MYT1L: variants seen among roughly 807,000 people sequenced by gnomAD.
The protein encoded by MYT1L is myelin transcription factor 1 like, also known as myelin transcription factor 1-like protein.
A neutral mutation model predicts 126.7 loss-of-function variants in MYT1L; 12 were observed. The ratio of observed to expected loss-of-function variants is 0.09; its 90% CI spans 0.06 to 0.15. The LOEUF (loss-of-function observed/expected upper bound fraction) is 0.15, where lower values mean the gene tolerates loss of function less well. Ranked by LOEUF, MYT1L falls within the 10% of genes least tolerant of loss-of-function variation. The pLI is 1.00. For missense variants in MYT1L, 979 were observed against 1,585.2 expected, an observed-to-expected ratio of 0.62 and a Z score of 6.49; for synonymous variants, 541 against 604.2, an observed-to-expected ratio of 0.90 and a Z score of 1.53.
chr2:2,006,316 T>C (rs1022259678), intron 4 of MYT1L, among the ~76,000 whole-genome samples: 1 of 152,200 alleles, frequency 6.6e-6, no homozygotes, highest in Non-Finnish European at 1.5e-5. Flanking sequence ...CATCGTAGAA[T>C]GCTTACTATA....
At chr2:1,812,464 C>T (rs770059106) in intron 21 of MYT1L, among the ~76,000 whole-genome samples, 32 of 152,164 alleles carry the variant, frequency 2.1e-4, no homozygotes, top group Non-Finnish European at 4.4e-4. Flanking sequence ...TCTGAATGCA[C>T]TTTGTGATGG....
At chr2:1,940,710 G>A (rs1177192114) in intron 9 of MYT1L, among the ~76,000 whole-genome samples, 1 of 152,224 alleles carries the variant, frequency 6.6e-6, no homozygotes, top group East Asian at 1.9e-4. Context: ...ATTTCCTTAG[G>A]GAGCCAGCTG....
intron 2 of MYT1L, among the ~76,000 whole-genome samples, chr2:2,220,535 G>A (rs2093828884): frequency 6.6e-6 from 1 of 152,160 alleles, no homozygotes; most frequent in African/African-American, 2.4e-5. Flanking sequence ...TTAAAAAGGT[G>A]CTAGACTCTT....
Position 2,228,867 on chromosome 2 carries a change from C to T in MYT1L, c.-421+55537G>A, listed in dbSNP as rs2094087180. Among the ~76,000 whole-genome samples the T allele has an allele frequency of 6.6e-6, 1 of 151,990 alleles. No individual in the cohort carries two copies. Among genetic ancestry groups the T allele is most frequent in the Non-Finnish European group, 1.5e-5 (1 of 68,016 alleles). ...ACAATAAATTTGTGCTCAATATTAG[C>T]ACATATTAACAATCTTTTTAAAAAA... is the stretch of plus-strand genomic sequence containing the variant. On this transcript the variant is annotated intron_variant, in intron 2 of 24. Coordinates refer to ENST00000647738, the MANE Select transcript of MYT1L (RefSeq NM_001303052.2). The surrounding 1 kb of genome is among the most constrained non-coding windows in gnomAD (Gnocchi z 5.9).
chr2:2,241,305 C>T (rs962152368), intron 2 of MYT1L, among the ~76,000 whole-genome samples: 2 of 151,994 alleles, frequency 1.3e-5, no homozygotes, highest in Admixed American at 6.6e-5. Flanking sequence ...GATACATCCA[C>T]CACAAAACAG....
chr2:2,037,808 A>AG (rs1430198232), intron 4 of MYT1L, among the ~76,000 whole-genome samples: 2 of 147,480 alleles, frequency 1.4e-5, no homozygotes, highest in African/African-American at 5.2e-5. Flanking sequence ...AAAAAACAAA[A>AG]AAAAAACCCC....
In MYT1L at chr2:2,104,389, T is replaced by C. The variant is rs542907929; in HGVS notation, c.-303-50266A>G. On this transcript the variant is annotated intron_variant, in intron 3 of 24. Coordinates refer to ENST00000647738, the MANE Select transcript of MYT1L (RefSeq NM_001303052.2). ...ACTGCAGTCAACCACATATTAAAGA[T>C]GGAATCAGATAAAATGTTAAGTGGC... Among the ~76,000 whole-genome samples, 195 of 152,330 alleles carry C rather than the reference T, an allele frequency of 1.3e-3. 1 individual carries two copies. The highest frequency in any genetic ancestry group is 4.0e-3 in the African/African-American group (168 of 41,568).
rs1229891043 is a variant in MYT1L at position 1,929,350 on chromosome 2, T to C, written c.506-6087A>G. ...TGCCTCCCTCATCCTCTACTGCCAG[T>C]GAGGCCCTTCACTAGAAGACCCCTG... On this transcript the variant is annotated intron_variant, in intron 9 of 24. Coordinates refer to ENST00000647738, the MANE Select transcript of MYT1L (RefSeq NM_001303052.2). This position sits in a 1 kb window ranked among gnomAD's most constrained non-coding sequence, Gnocchi z 4.7. 1.3e-5 allele frequency among the ~76,000 whole-genome samples: 2 copies of C among 152,092 alleles called. No homozygotes were observed. The highest frequency in any genetic ancestry group is 4.8e-5 in the African/African-American group (2 of 41,424).
In MYT1L at chr2:2,031,869, G is replaced by C. The variant is rs10199506; in HGVS notation, c.-158+22109C>G. The stretch of plus-strand genomic sequence containing the variant: ...CGCCAGTGCCTCTCATCCTGTGACC[G>C]AGAGCAGATTCTAGAAGGAGGGCCT... On this transcript the variant is annotated intron_variant, in intron 4 of 24. Transcript: ENST00000647738. 2.5e-3 allele frequency among the ~76,000 whole-genome samples: 199 copies of C among 79,972 alleles called. 2 individuals carry two copies. The highest frequency in any genetic ancestry group is 4.7e-3 in the African/African-American group (84 of 17,828). 52.5% of individuals were successfully genotyped at this position (79,972 alleles called of 152,430 possible).
chr2:2,049,028 A>T (rs562416845), intron 4 of MYT1L, among the ~76,000 whole-genome samples: 10 of 152,376 alleles, frequency 6.6e-5, no homozygotes, highest in Non-Finnish European at 1.3e-4. Context: ...ATAACATCAC[A>T]TTGCAATAAA....
At chr2:2,257,364 G>A (rs2094843654) in intron 2 of MYT1L, among the ~76,000 whole-genome samples, 1 of 152,166 alleles carries the variant, frequency 6.6e-6, no homozygotes, top group African/African-American at 2.4e-5. Context: ...TGTTTTTCCA[G>A]GTTGGAGCCA....
At chr2:2,286,713 C>A (rs1297469355) in intron 1 of MYT1L, among the ~76,000 whole-genome samples, 1 of 152,162 alleles carries the variant, frequency 6.6e-6, no homozygotes, top group Non-Finnish European at 1.5e-5. Flanking sequence ...GAGAGATCAT[C>A]TGTGGTCAAG....
At chr2:2,016,593 G>T (rs1486273250) in intron 4 of MYT1L, among the ~76,000 whole-genome samples, 2 of 152,220 alleles carry the variant, frequency 1.3e-5, no homozygotes, top group Admixed American at 1.3e-4. Flanking sequence ...AGTGGCTGCT[G>T]ATGCATGAGG....
At chr2:2,090,805 T>C (rs2076841399) in intron 3 of MYT1L, among the ~76,000 whole-genome samples, 1 of 152,184 alleles carries the variant, frequency 6.6e-6, no homozygotes, top group African/African-American at 2.4e-5. Context: ...TATTCTAAAT[T>C]CTTGTTGTTG....
intron 4 of MYT1L, among the ~76,000 whole-genome samples, chr2:2,000,234 G>A (rs999398752): frequency 4.0e-5 from 6 of 151,730 alleles, no homozygotes; most frequent in African/African-American, 1.5e-4. Flanking sequence ...GTTCGAGTCC[G>A]TCCTCCGAGC....
At chr2:1,829,806 T>C (rs111933844) in intron 21 of MYT1L, among the ~76,000 whole-genome samples, 170 of 97,036 alleles carry the variant, frequency 1.8e-3, no homozygotes, top group Middle Eastern at 8.2e-3. Flanking sequence ...TGAATTGACC[T>C]TCCCATACAC....
chr2:2,102,591 A>C (rs992506418), intron 3 of MYT1L, among the ~76,000 whole-genome samples: 1 of 149,524 alleles, frequency 6.7e-6, no homozygotes, highest in Non-Finnish European at 1.5e-5. Context: ...CATTTTGGCA[A>C]TGCCTCTTGG....
chr2:2,219,248 A>G (rs2093782840), intron 2 of MYT1L, among the ~76,000 whole-genome samples: 2 of 152,128 alleles, frequency 1.3e-5, no homozygotes, highest in African/African-American at 4.8e-5. Context: ...TCAACGGCTA[A>G]TCCTACAGCC....
chr2:2,286,905 G>A (rs1004386786), intron 1 of MYT1L, among the ~76,000 whole-genome samples: 3 of 152,188 alleles, frequency 2.0e-5, no homozygotes, highest in Non-Finnish European at 2.9e-5. Context: ...GATGTCACTA[G>A]GTTCTATTTC....
Sources: allele counts gnomAD v4.1 joint callset (sites outside exome capture counted in the v4.1 genomes callset), GRCh38; gene constraint gnomAD v4.1.1; non-coding constraint Gnocchi (gnomAD v3.1); transcripts MANE v1.5; gene names NCBI Gene and HGNC (gene_info 2026-07-23, HGNC 2026-07-21).